PLXNA2: variants seen among roughly 807,000 people sequenced by gnomAD.
PLXNA2 encodes the protein plexin-A2.
Under a neutral mutation model 193.5 loss-of-function variants are expected in PLXNA2, and 91 were observed. The ratio of observed to expected loss-of-function variants is 0.47; its 90% confidence interval spans 0.40 to 0.56. The LOEUF (loss-of-function observed/expected upper bound fraction) is 0.56. Ranked by LOEUF, PLXNA2 falls within the 20% of genes least tolerant of loss-of-function variation. The pLI, the probability that PLXNA2 is intolerant of heterozygous loss-of-function variation, is 0.00. For missense variants in PLXNA2, 1,995 were observed against 2,503.2 expected, an observed-to-expected ratio of 0.80 and a Z score of 4.33; for synonymous variants, 997 against 1,027.3, an observed-to-expected ratio of 0.97 and a Z score of 0.56.
intron 6 of PLXNA2, among the ~76,000 whole-genome samples, chr1:208,098,449 C>CTG (rs1666979606): frequency 1.6e-5 from 2 of 127,492 alleles, no homozygotes; most frequent in South Asian, 5.7e-4. Context: ...CTCTCTCTCT[C>CTG]TCTCTCTCTC....
At chr1:208,131,889 A>G (rs1668168584) in intron 4 of PLXNA2, among the ~76,000 whole-genome samples, 1 of 152,162 alleles carries the variant, frequency 6.6e-6, no homozygotes, top group South Asian at 2.1e-4. Context: ...CCACACAGAC[A>G]GGCTCCTCAC....
intron 3 of PLXNA2, among the ~76,000 whole-genome samples, chr1:208,208,005 C>T (rs917462890): frequency 3.3e-5 from 5 of 152,242 alleles, no homozygotes; most frequent in Non-Finnish European, 7.3e-5. Context: ...GTAACTTGTC[C>T]GTCAGGGTTT....
rs369300450 is a variant in PLXNA2 at position 208,097,129 on chromosome 1, T to A, written c.1732-246A>T. Among the ~76,000 whole-genome samples, 34 of 152,288 alleles carry A rather than the reference T, an allele frequency of 2.2e-4. No homozygotes were observed. The South Asian group carries it at 3.7e-3, about 17-fold the overall frequency. On this transcript the variant is annotated intron_variant, in intron 6 of 31. Transcript: ENST00000367033. ...ATTAATGTTTCCATCTTCTCCAGCA[T>A]TAGAAAGCCCTAGGGGTGGGGGCGC...
At chr1:208,200,883 G>A (rs1670530089) in intron 3 of PLXNA2, among the ~76,000 whole-genome samples, 1 of 152,122 alleles carries the variant, frequency 6.6e-6, no homozygotes, top group African/African-American at 2.4e-5. Context: ...TGGGATTACA[G>A]GCGTGAACAA....
chr1:208,127,128 G>A (rs1400919566), intron 4 of PLXNA2, among the ~76,000 whole-genome samples: 2 of 152,216 alleles, frequency 1.3e-5, no homozygotes, highest in Non-Finnish European at 2.9e-5. Flanking sequence ...GGAGGCATAA[G>A]GCTTGCCAAT....
intron 3 of PLXNA2, among the ~76,000 whole-genome samples, chr1:208,192,145 G>C (rs1372608581): frequency 6.6e-6 from 1 of 152,162 alleles, no homozygotes; most frequent in Non-Finnish European, 1.5e-5. Context: ...CCATGACCCT[G>C]ACTTTGTCTC....
chr1:208,134,380 C>G (rs1668243483), intron 4 of PLXNA2, among the ~76,000 whole-genome samples: 1 of 151,944 alleles, frequency 6.6e-6, no homozygotes, highest in African/African-American at 2.4e-5. Flanking sequence ...GCACCCACAG[C>G]CCCGGGAGGT....
chr1:208,146,197 G>A (rs1299912477), intron 3 of PLXNA2, among the ~76,000 whole-genome samples: 1 of 152,162 alleles, frequency 6.6e-6, no homozygotes. Flanking sequence ...GTTTAAGTCT[G>A]GGCCTCAGGC....
At chr1:208,182,967 G>C (rs1669891309) in intron 3 of PLXNA2, among the ~76,000 whole-genome samples, 1 of 152,196 alleles carries the variant, frequency 6.6e-6, no homozygotes, top group African/African-American at 2.4e-5. Flanking sequence ...CAACCTCCTA[G>C]TCAAGAAAGA....
At chr1:208,243,178 C>A (rs1205363306) in intron 1 of PLXNA2, among the ~76,000 whole-genome samples, 6 of 152,140 alleles carry the variant, frequency 3.9e-5, no homozygotes, top group African/African-American at 1.2e-4. Flanking sequence ...CCACCAGGGA[C>A]CCCGGCACTG....
At chr1:208,225,361 G>A (rs773560173) in intron 1 of PLXNA2, among the ~76,000 whole-genome samples, 2 of 152,106 alleles carry the variant, frequency 1.3e-5, no homozygotes, top group Non-Finnish European at 2.9e-5. Flanking sequence ...GGAGTGCAGT[G>A]GCGCGATCTC....
intron 3 of PLXNA2, among the ~76,000 whole-genome samples, chr1:208,153,041 A>G (rs1175516053): frequency 6.6e-6 from 1 of 152,094 alleles, no homozygotes; most frequent in East Asian, 1.9e-4. Flanking sequence ...AGAAGAAACC[A>G]TGCTTTGTAC....
At chr1:208,166,126 A>T (rs908003510) in intron 3 of PLXNA2, among the ~76,000 whole-genome samples, 2 of 152,200 alleles carry the variant, frequency 1.3e-5, no homozygotes, top group African/African-American at 2.4e-5. Context: ...CTCACATTAA[A>T]CACAACACAG....
chr1:208,223,830 C>T (rs1257315502), intron 1 of PLXNA2, among the ~76,000 whole-genome samples: 1 of 152,192 alleles, frequency 6.6e-6, no homozygotes, highest in Admixed American at 6.5e-5. Context: ...TGCAGAGCAT[C>T]CTGCCAAGGA....
At position 208,028,072 on chromosome 1, in the gene PLXNA2, C is replaced by T. The variant is rs772860355; in HGVS notation, c.5526G>A (p.Val1842=). Residue 1842 remains valine, a synonymous_variant, in exon 31 of 32, where the codon GTG becomes GTA. Coordinates refer to ENST00000367033, the MANE Select transcript of PLXNA2 (RefSeq NM_025179.4). The surrounding 1 kb of genome is among the most constrained non-coding windows in gnomAD (Gnocchi z 4.2). Reference sequence around the variant, plus strand: ...TGAGGGCACTCAGCATGTTGAACTCCACGGCGTGCAGGCGGGACTGCTCGG... The same window carrying T: ...TGAGGGCACTCAGCATGTTGAACTCTACGGCGTGCAGGCGGGACTGCTCGG... The part of the protein sequence containing the change: ...YLAEQSRLHA[V]EFNMLSALNE... The T allele has an allele frequency of 1.2e-6, 2 of 1,613,284 alleles. No individual in the cohort carries two copies. The highest frequency in any genetic ancestry group is 1.7e-6 in the Non-Finnish European group (2 of 1,179,688).
intron 4 of PLXNA2, among the ~76,000 whole-genome samples, chr1:208,138,364 G>A (rs1668363192): frequency 6.6e-6 from 1 of 152,234 alleles, no homozygotes; most frequent in Non-Finnish European, 1.5e-5. Flanking sequence ...GCATGTTTAA[G>A]GTAGGTGAGG....
intron 3 of PLXNA2, among the ~76,000 whole-genome samples, chr1:208,143,480 C>A (rs1163382313): frequency 1.3e-5 from 2 of 152,178 alleles, no homozygotes; most frequent in South Asian, 2.1e-4. Context: ...TCAATGCTGA[C>A]CTCAAAGAAA....
Position 208,083,073 on chromosome 1 carries a change from C to T in PLXNA2, c.2299-565G>A, listed in dbSNP as rs186486232. 1.3e-3 allele frequency among the ~76,000 whole-genome samples: 191 copies of T among 152,282 alleles called. 2 individuals carry two copies. The highest frequency in any genetic ancestry group is 1.1e-3 in the Non-Finnish European group (72 of 68,022). On this transcript the variant is annotated intron_variant, in intron 10 of 31. Coordinates refer to ENST00000367033, the MANE Select transcript of PLXNA2 (RefSeq NM_025179.4). ...TGCCCTCTTACTACTCTTGTAAGGC[C>T]GAGAGTCTCATCGAGCAGTCACCTG...
chr1:208,144,209 G>T (rs775094341), intron 3 of PLXNA2, among the ~76,000 whole-genome samples: 2 of 152,190 alleles, frequency 1.3e-5, no homozygotes, highest in African/African-American at 2.4e-5. Flanking sequence ...CATCCCAAGT[G>T]CCAAGTTCAA....
Sources: gnomAD v4.1 joint callset for allele counts (sites outside exome capture counted in the v4.1 genomes callset) on GRCh38, gnomAD v4.1.1 for gene constraint, Gnocchi (gnomAD v3.1) non-coding constraint, MANE v1.5 for transcripts, NCBI Gene and HGNC (gene_info 2026-07-23, HGNC 2026-07-21) for gene names.